Variants in HPSE2 observed in about 807,000 individuals in gnomAD.
The protein encoded by HPSE2 is heparanase 2 (inactive).
HPSE2 carries 38 observed loss-of-function variants against 60.5 expected under a neutral mutation model. The ratio of observed to expected loss-of-function variants is 0.63; its 90% CI spans 0.48 to 0.82. HPSE2 has a LOEUF of 0.82. Ranked by LOEUF, HPSE2 falls within the 40% of genes least tolerant of loss-of-function variation. The pLI, the probability that HPSE2 is intolerant of heterozygous loss-of-function variation, is 0.00. For missense variants in HPSE2, 713 were observed against 740.4 expected (o/e 0.96, Z 0.43); for synonymous variants, 295 against 293.2 (o/e 1.01, Z -0.06).
At chr10:98,863,737 T>C (rs913124074) in intron 3 of HPSE2, among the ~76,000 whole-genome samples, 3 of 152,190 alleles carry the variant, frequency 2.0e-5, no homozygotes, top group African/African-American at 7.2e-5. Flanking sequence ...ACAAACCTTA[T>C]ATGAAGTATA....
chr10:98,655,455 C>T (rs1947035222), intron 6 of HPSE2, among the ~76,000 whole-genome samples: 1 of 152,160 alleles, frequency 6.6e-6, no homozygotes, highest in Non-Finnish European at 1.5e-5. Flanking sequence ...AGTTTCTGCT[C>T]TTATTAAGCA....
intron 3 of HPSE2, among the ~76,000 whole-genome samples, chr10:98,839,267 A>T (rs781440317): frequency 1.3e-5 from 2 of 152,208 alleles, no homozygotes; most frequent in Non-Finnish European, 2.9e-5. Context: ...CCTACATAGC[A>T]TTGCTGTTGC....
At chr10:98,612,942 C>T (rs553867502) in intron 9 of HPSE2, among the ~76,000 whole-genome samples, 20 of 152,228 alleles carry the variant, frequency 1.3e-4, no homozygotes, top group Middle Eastern at 3.4e-3. Flanking sequence ...CATCATGCCC[C>T]GGTCACCCTA....
chr10:99,027,102 AAAAT>A (rs1466696296), intron 3 of HPSE2, among the ~76,000 whole-genome samples: 2 of 152,048 alleles, frequency 1.3e-5, no homozygotes, highest in African/African-American at 2.4e-5. Flanking sequence ...ATAGTAGAAG[AAAAT>A]AAATAATAAA....
intron 2 of HPSE2, among the ~76,000 whole-genome samples, chr10:99,221,046 T>C (rs554875401): frequency 1.3e-5 from 2 of 151,964 alleles, no homozygotes; most frequent in East Asian, 3.9e-4. Flanking sequence ...GGTTTCACCA[T>C]GTTGGCCTGG....
At chr10:99,185,765 C>T (rs1847982550) in intron 2 of HPSE2, among the ~76,000 whole-genome samples, 1 of 150,918 alleles carries the variant, frequency 6.6e-6, no homozygotes, top group African/African-American at 2.4e-5. Context: ...CAGAGTGAGA[C>T]TCCATCTCAA....
rs540599260 is a variant in HPSE2, at chr10:98,506,812, TTC to T, written c.1321-16618_1321-16617del. Among the ~76,000 whole-genome samples the T allele has an allele frequency of 2.7e-3, 415 of 152,318 alleles. 2 individuals carry two copies. The highest frequency in any genetic ancestry group is 9.5e-3 in the African/African-American group (395 of 41,574). On this transcript the variant is annotated intron_variant, in intron 9 of 11. Coordinates refer to ENST00000370552, the MANE Select transcript of HPSE2 (RefSeq NM_021828.5). Reference sequence around the variant, plus strand: ...CTTTCAAAGTGCTTCTACGTTTTTCTTCTCCCTACCTACCCTTTTGATATTCT... The same window carrying T: ...CTTTCAAAGTGCTTCTACGTTTTTCTTCCCTACCTACCCTTTTGATATTCT...
intron 3 of HPSE2, among the ~76,000 whole-genome samples, chr10:98,887,730 G>A (rs981377409): frequency 6.6e-6 from 1 of 151,976 alleles, no homozygotes; most frequent in African/African-American, 2.4e-5. Flanking sequence ...AATAAGAGAA[G>A]TTGCATGGGT....
intron 9 of HPSE2, among the ~76,000 whole-genome samples, chr10:98,566,404 A>G (rs1944346018): frequency 6.6e-6 from 1 of 152,154 alleles, no homozygotes; most frequent in African/African-American, 2.4e-5. Context: ...ATCTTTGAAC[A>G]GGGGGATTTT....
chr10:98,684,591 G>A (rs1184534028), intron 6 of HPSE2, among the ~76,000 whole-genome samples: 1 of 152,134 alleles, frequency 6.6e-6, no homozygotes, highest in Non-Finnish European at 1.5e-5. Flanking sequence ...GATGAGAAAA[G>A]TATGTAAATA....
At chr10:98,586,416 A>G (rs995436774) in intron 9 of HPSE2, among the ~76,000 whole-genome samples, 7 of 152,178 alleles carry the variant, frequency 4.6e-5, no homozygotes, top group Non-Finnish European at 1.0e-4. Flanking sequence ...ATAGGCCACT[A>G]TTACACCTTC....
intron 6 of HPSE2, among the ~76,000 whole-genome samples, chr10:98,677,745 A>G (rs769228297): frequency 5.3e-5 from 8 of 152,210 alleles, no homozygotes; most frequent in Non-Finnish European, 4.4e-5. Flanking sequence ...AATCTATGCT[A>G]GAGACAGATA....
intron 3 of HPSE2, among the ~76,000 whole-genome samples, chr10:99,037,917 CGA>C (rs1957647162): frequency 6.6e-6 from 1 of 151,804 alleles, no homozygotes; most frequent in East Asian, 1.9e-4. Flanking sequence ...GAGATACAGA[CGA>C]CAAATAAGCA....
intron 2 of HPSE2, among the ~76,000 whole-genome samples, chr10:99,225,731 T>C (rs961058611): frequency 6.6e-6 from 1 of 151,996 alleles, no homozygotes; most frequent in East Asian, 1.9e-4. Context: ...CCTTCCCTTC[T>C]CCAATGAAGT....
At chr10:99,145,209 C>T (rs1026038019) in intron 2 of HPSE2, among the ~76,000 whole-genome samples, 2 of 152,184 alleles carry the variant, frequency 1.3e-5, no homozygotes, top group African/African-American at 4.8e-5. Context: ...GTAATCCCAG[C>T]ACTTTGGGAG....
At chr10:98,870,190 G>A (rs1438896682) in intron 3 of HPSE2, among the ~76,000 whole-genome samples, 1 of 152,132 alleles carries the variant, frequency 6.6e-6, no homozygotes, top group Non-Finnish European at 1.5e-5. Flanking sequence ...TTGAACCCAG[G>A]AATCCAGTGT....
At chr10:98,735,061 A>G (rs1023824491) in intron 4 of HPSE2, among the ~76,000 whole-genome samples, 3 of 152,086 alleles carry the variant, frequency 2.0e-5, no homozygotes, top group African/African-American at 4.8e-5. Flanking sequence ...CAGTTGTGTG[A>G]GTTTTGAAAG....
chr10:98,591,834 A>G (rs1564994572), intron 9 of HPSE2, among the ~76,000 whole-genome samples: 5 of 152,176 alleles, frequency 3.3e-5, no homozygotes, highest in Admixed American at 2.0e-4. Flanking sequence ...ATAACACTGC[A>G]TTACACGGCC....
intron 7 of HPSE2, among the ~76,000 whole-genome samples, chr10:98,634,576 G>C (rs1007166516): frequency 3.9e-5 from 6 of 152,082 alleles, no homozygotes; most frequent in Non-Finnish European, 8.8e-5. Context: ...CAAATAAGCA[G>C]GTAAACTGGA....
Sources: gnomAD v4.1 joint callset for allele counts (sites outside exome capture counted in the v4.1 genomes callset) on GRCh38, gnomAD v4.1.1 for gene constraint, MANE v1.5 for transcripts, NCBI Gene and HGNC (gene_info 2026-07-23, HGNC 2026-07-21) for gene names.